Variants in ACBD5 observed in about 807,000 individuals in gnomAD.
ACBD5 encodes the protein acyl-CoA-binding domain-containing protein 5.
In ACBD5, 40 loss-of-function variants were observed where a neutral mutation model predicts 71.8. That is an observed-to-expected ratio of 0.56 (90% CI 0.43 to 0.72). ACBD5 has a LOEUF of 0.72. Ranked by LOEUF, ACBD5 falls within the 30% of genes least tolerant of loss-of-function variation. The pLI is 0.00. For synonymous variants in ACBD5, 229 were observed against 218.6 expected (o/e 1.05, Z -0.42); for missense variants, 559 against 644.5 (o/e 0.87, Z 1.44).
chr10:27,221,620 T>C (rs2062347419), intron 5 of ACBD5, among the ~76,000 whole-genome samples: 1 of 150,172 alleles, frequency 6.7e-6, no homozygotes, highest in African/African-American at 2.4e-5. Context: ...AAACATTTAA[T>C]TTTTTTTTTC....
chr10:27,215,370 AT>A (rs1322756019), intron 8 of ACBD5, among the ~76,000 whole-genome samples, 164 bp downstream of exon 8: 1 of 152,104 alleles, frequency 6.6e-6, no homozygotes, highest in African/African-American at 2.4e-5. Flanking sequence ...AATTTTACCT[AT>A]TTTTGAATTC....
intron 4 of ACBD5, among the ~76,000 whole-genome samples, chr10:27,224,918 C>T (rs7908434): frequency 0.069 from 10,434 of 152,064 alleles, 682 homozygotes; most frequent in African/African-American, 0.17. Context: ...GTGATCCCAG[C>T]TACTTGGGAG....
downstream of ACBD5, among the ~76,000 whole-genome samples, chr10:27,192,356 C>G (rs371607247): frequency 5.3e-5 from 8 of 152,042 alleles, no homozygotes; most frequent in East Asian, 3.9e-4. Context: ...AACACTCTCT[C>G]TCTCCTAGTT....
At position 27,205,081 on chromosome 10, in the gene ACBD5, C is replaced by A. The variant is rs376737891; in HGVS notation, c.1455+117G>T. 2.6e-5 allele frequency: 24 copies of A among 940,682 alleles called. No individual in the cohort carries two copies. In the Admixed American group the frequency reaches 4.7e-4, roughly 18 times the overall value. The allele number at this position is 940,682 out of a possible 1,614,324, so 58.3% of individuals were successfully genotyped here. A position where few individuals can be genotyped will look rare whatever the true frequency, so the allele number is the denominator to read the frequency against. On this transcript the variant is annotated intron_variant, in intron 11 of 12. Transcript: ENST00000396271. ...GGCAGAGCTTGCAGTGAGCTGAGATCGCACCACTGCACTCCAGCCTGGGCA... is the reference window on the plus strand; with the variant it reads ...GGCAGAGCTTGCAGTGAGCTGAGATAGCACCACTGCACTCCAGCCTGGGCA...
At chr10:27,202,136 C>G (rs2059991107) in intron 12 of ACBD5, among the ~76,000 whole-genome samples, 1 of 152,212 alleles carries the variant, frequency 6.6e-6, no homozygotes, top group African/African-American at 2.4e-5. Flanking sequence ...CAACTGCTCT[C>G]TGGTCTTCAT....
At chr10:27,205,346 T>A in intron 10 of ACBD5, 98 bp from the exon 11 acceptor site, 5 of 1,191,068 alleles carry the variant, frequency 4.2e-6, no homozygotes, top group Non-Finnish European at 6.1e-6. Flanking sequence ...AATATTGAGG[T>A]TTTTTTTGGT....
downstream of ACBD5, among the ~76,000 whole-genome samples, chr10:27,192,968 T>A (rs1394790606): frequency 2.6e-5 from 4 of 150,948 alleles, no homozygotes; most frequent in Admixed American, 1.3e-4. Flanking sequence ...TGAGACTCCG[T>A]TTCAAAAAAA....
Position 27,195,859 on chromosome 10 carries a change from G to T in ACBD5, c.*1571C>A. ...GATTATTTCTTATTTAAAACACTGTGAACATATGATGTTAAACCCAACATC... is the reference window on the plus strand; with the variant it reads ...GATTATTTCTTATTTAAAACACTGTTAACATATGATGTTAAACCCAACATC... On this transcript the variant is annotated 3_prime_UTR_variant, in exon 13 of 13. Coordinates refer to ENST00000396271, the MANE Select transcript of ACBD5 (RefSeq NM_145698.5). The T allele has an allele frequency of 2.2e-6, 1 of 451,994 alleles. No individual in the cohort carries two copies. Among genetic ancestry groups the T allele is most frequent in the Non-Finnish European group, 4.4e-6 (1 of 226,244 alleles). 28.0% of individuals were successfully genotyped at this position (451,994 alleles called of 1,614,324 possible).
chr10:27,184,427 C>A (rs900157207), intron 13 of ACBD5, among the ~76,000 whole-genome samples: 1 of 152,008 alleles, frequency 6.6e-6, no homozygotes, highest in Non-Finnish European at 1.5e-5. Flanking sequence ...GTTTCAACTT[C>A]TGATGCTGTA....
intron 10 of ACBD5, among the ~76,000 whole-genome samples, chr10:27,206,589 C>T (rs577913329): frequency 5.1e-4 from 78 of 152,216 alleles, no homozygotes; most frequent in African/African-American, 1.8e-3. Flanking sequence ...GATCTAGGCT[C>T]ACTGCAACCT....
intron 5 of ACBD5, chr10:27,223,075 G>T: frequency 1.5e-6 from 1 of 652,576 alleles, no homozygotes; most frequent in Non-Finnish European, 2.8e-6. Flanking sequence ...TAATGTTTTG[G>T]AACTTCATAT....
chr10:27,203,254 G>A (rs1485369559), intron 12 of ACBD5, among the ~76,000 whole-genome samples: 2 of 151,864 alleles, frequency 1.3e-5, no homozygotes, highest in Non-Finnish European at 1.5e-5. Flanking sequence ...CTAAAGTCCC[G>A]GGATTATAGA....
At chr10:27,183,969 C>A (rs2058481316) in intron 13 of ACBD5, among the ~76,000 whole-genome samples, 1 of 152,140 alleles carries the variant, frequency 6.6e-6, no homozygotes, top group African/African-American at 2.4e-5. Flanking sequence ...ACCTTGGCCT[C>A]CCTAAGTACT....
At chr10:27,207,145 G>A (rs897281214) in intron 10 of ACBD5, among the ~76,000 whole-genome samples, 5 of 151,754 alleles carry the variant, frequency 3.3e-5, no homozygotes, top group Admixed American at 6.6e-5. Flanking sequence ...GCATGGTGGC[G>A]TGCGCCTGTA....
rs766142684 is a variant in ACBD5 at position 27,210,811 on chromosome 10, C to CACA, written c.1204+2_1204+3insTGT. ...GTGAGGGAAGAAAAAAGGTAATCCA[C>CACA]ACCTCTTCCTCTTCTAACATTAGAG... On this transcript the variant is annotated splice_region_variant and intron_variant, in intron 9 of 12. Coordinates refer to ENST00000396271, the MANE Select transcript of ACBD5 (RefSeq NM_145698.5). 9.3e-6 allele frequency: 15 copies of CACA among 1,614,034 alleles called. No individual in the cohort carries two copies. The Admixed American group carries it at 1.7e-4, about 18-fold the overall frequency.
downstream of ACBD5, among the ~76,000 whole-genome samples, chr10:27,194,828 T>C (rs960494391): frequency 6.6e-6 from 1 of 151,322 alleles, no homozygotes; most frequent in African/African-American, 2.4e-5. Context: ...AAACCCCGTC[T>C]CTACTAAAAA....
intron 8 of ACBD5, among the ~76,000 whole-genome samples, chr10:27,214,281 T>A (rs983186572): frequency 2.0e-5 from 3 of 152,158 alleles, no homozygotes; most frequent in African/African-American, 7.2e-5. Context: ...TCTGAAATAA[T>A]GGATACTCCA....
chr10:27,228,815 A>ATATATATATATATCTTTTTT (rs1554856598), intron 4 of ACBD5, among the ~76,000 whole-genome samples: 1 of 20,362 alleles, frequency 4.9e-5, no homozygotes, highest in Non-Finnish European at 1.3e-4. Flanking sequence ...ATATATATAT[A>ATATATATATATATCTTTTTT]TTTTTTTTTT....
chr10:27,223,608 G>A (rs2062638752), intron 4 of ACBD5, among the ~76,000 whole-genome samples, 156 bp from the exon 5 acceptor site: 1 of 152,152 alleles, frequency 6.6e-6, no homozygotes, highest in African/African-American at 2.4e-5. Flanking sequence ...CATACTTAAT[G>A]TATACACACT....
Sources: allele counts gnomAD v4.1 joint callset (sites outside exome capture counted in the v4.1 genomes callset), GRCh38; gene constraint gnomAD v4.1.1; transcripts MANE v1.5; gene names NCBI Gene and HGNC (gene_info 2026-07-23, HGNC 2026-07-21).